ANKRD36C: variants seen among roughly 807,000 people sequenced by gnomAD.
The protein encoded by ANKRD36C is ankyrin repeat domain-containing protein 36C.
In ANKRD36C, 61 loss-of-function variants were observed where a neutral mutation model predicts 276.4. The ratio of observed to expected loss-of-function variants is 0.22; its 90% CI spans 0.18 to 0.27. ANKRD36C has a LOEUF of 0.27. ANKRD36C is among the 10% of genes least tolerant of loss of function. The pLI is 1.00. For missense variants in ANKRD36C, 1,447 were observed against 2,032.3 expected (o/e 0.71, Z 5.54); for synonymous variants, 483 against 680.1 (o/e 0.71, Z 4.51).
intron 5 of ANKRD36C, 116 bp from the exon 6 acceptor site, chr2:95,978,305 ACTTCT>A (rs1316584077): frequency 2.7e-6 from 1 of 365,148 alleles, no homozygotes; most frequent in East Asian, 6.5e-5. Flanking sequence ...TATCCTATAC[ACTTCT>A]CTTCTGTAAG....
chr2:95,872,701 C>A (rs1675843485), intron 59 of ANKRD36C, among the ~76,000 whole-genome samples: 1 of 151,890 alleles, frequency 6.6e-6, no homozygotes, highest in Non-Finnish European at 1.5e-5. Flanking sequence ...ACACAAAAAA[C>A]CCTTCAAAAA....
intron 8 of ANKRD36C, 45 bp downstream of exon 8, chr2:95,962,307 T>C: frequency 1.0e-5 from 16 of 1,538,504 alleles, no homozygotes; most frequent in Non-Finnish European, 1.4e-5. Context: ...AGCAGTTCCC[T>C]TCTATCCTGA....
At chr2:95,867,828 G>A (rs1675714328) in intron 59 of ANKRD36C, among the ~76,000 whole-genome samples, 1 of 148,956 alleles carries the variant, frequency 6.7e-6, no homozygotes, top group Non-Finnish European at 1.5e-5. Flanking sequence ...GTTAATTAAG[G>A]AACAAAGATT....
At chr2:95,974,465 C>T (rs1439010279) in intron 6 of ANKRD36C, among the ~76,000 whole-genome samples, 6 of 152,034 alleles carry the variant, frequency 3.9e-5, no homozygotes, top group Non-Finnish European at 8.8e-5. Flanking sequence ...ATAATATTTT[C>T]TTTAGGGATG....
At chr2:95,985,706 C>T (rs777390009) in intron 3 of ANKRD36C, among the ~76,000 whole-genome samples, 1 of 152,224 alleles carries the variant, frequency 6.6e-6, no homozygotes, top group South Asian at 2.1e-4. Context: ...TCATCTCTCA[C>T]TCACATGGCA....
intron 1 of ANKRD36C, among the ~76,000 whole-genome samples, chr2:95,989,468 C>T (rs1485034208): frequency 6.6e-6 from 1 of 151,886 alleles, no homozygotes; most frequent in African/African-American, 2.4e-5. Flanking sequence ...CATCTTCACA[C>T]CTCAACATAC....
At chr2:95,979,161 A>G (rs1175216911) in intron 5 of ANKRD36C, among the ~76,000 whole-genome samples, 1 of 152,078 alleles carries the variant, frequency 6.6e-6, no homozygotes, top group Non-Finnish European at 1.5e-5. Context: ...CAGTTTATAG[A>G]TCACCTTACA....
intron 20 of ANKRD36C, among the ~76,000 whole-genome samples, chr2:95,939,354 C>T (rs1255480486): frequency 6.6e-6 from 1 of 151,930 alleles, no homozygotes; most frequent in African/African-American, 2.4e-5. Context: ...AGAACCAAAG[C>T]GGACCCCAGA....
intron 42 of ANKRD36C, 35 bp from the exon 45 acceptor site, chr2:95,910,603 G>A (rs1381810360): frequency 1.9e-6 from 3 of 1,603,382 alleles, no homozygotes; most frequent in African/African-American, 1.3e-5. Context: ...TCACTCATAT[G>A]TAAATATGAC....
intron 5 of ANKRD36C, among the ~76,000 whole-genome samples, chr2:95,980,442 G>A (rs561954456): frequency 1.3e-5 from 2 of 152,222 alleles, no homozygotes; most frequent in East Asian, 3.9e-4. Flanking sequence ...CAAGAATCTT[G>A]CACCTACTGC....
intron 58 of ANKRD36C, 135 bp downstream of exon 78, chr2:95,880,292 T>C: frequency 9.3e-7 from 1 of 1,074,976 alleles, no homozygotes; most frequent in Admixed American, 3.0e-5. Context: ...ATAAAAATGA[T>C]AACAGCTGCA....
chr2:95,874,753 T>C (rs181100456), intron 59 of ANKRD36C, among the ~76,000 whole-genome samples: 134 of 152,128 alleles, frequency 8.8e-4, no homozygotes, highest in Non-Finnish European at 1.6e-3. Context: ...ACCTACAAAA[T>C]GGGAGAAAAT....
chr2:95,857,298 C>G lies in ANKRD36C; in HGVS notation c.4080+11G>C. 1.3e-6 allele frequency: 2 copies of G among 1,578,194 alleles called. No individual in the cohort carries two copies. The highest frequency in any genetic ancestry group is 1.7e-6 in the Non-Finnish European group (2 of 1,165,670). ...AGTAGAAATATGAAGTTTTACCAAA[C>G]ATTAATTTACCTGATTTGAATTATT... On this transcript the variant is annotated intron_variant, in intron 62 of 66. Coordinates refer to ENST00000456556, the Ensembl canonical transcript of ANKRD36C.
At chr2:95,865,813 T>C (rs1020282014) in intron 60 of ANKRD36C, among the ~76,000 whole-genome samples, 1 of 152,106 alleles carries the variant, frequency 6.6e-6, no homozygotes, top group South Asian at 2.1e-4. Context: ...TCAACCTGTA[T>C]AAAGAAAGTC....
intron 24 of ANKRD36C, among the ~76,000 whole-genome samples, chr2:95,932,109 G>T (rs1161500990): frequency 6.6e-6 from 1 of 152,280 alleles, no homozygotes; most frequent in African/African-American, 2.4e-5. Context: ...GATTTTCTCA[G>T]AGTCAGGACA....
At chr2:95,964,524 A>C (rs1388170124) in intron 6 of ANKRD36C, among the ~76,000 whole-genome samples, 1 of 152,056 alleles carries the variant, frequency 6.6e-6, no homozygotes, top group Non-Finnish European at 1.5e-5. Context: ...CATTTGTACA[A>C]TCCCATTCTG....
intron 58 of ANKRD36C, among the ~76,000 whole-genome samples, chr2:95,878,089 C>T (rs1675994842): frequency 6.8e-6 from 1 of 146,792 alleles, no homozygotes; most frequent in African/African-American, 2.5e-5. Context: ...GGGGCTGAGG[C>T]AGGAGAATCG....
chr2:95,910,316 A>G, intron 42 of ANKRD36C, 57 bp downstream of exon 46: 1 of 1,488,870 alleles, frequency 6.7e-7, no homozygotes, highest in Non-Finnish European at 9.0e-7. Context: ...TATTTGGAGA[A>G]GAGAACTTCT....
chr2:95,910,965 T>C (rs922756995), intron 42 of ANKRD36C, among the ~76,000 whole-genome samples: 3 of 151,424 alleles, frequency 2.0e-5, no homozygotes, highest in African/African-American at 7.3e-5. Flanking sequence ...CAAAAGGATT[T>C]ACACCATTAT....
Sources: allele counts gnomAD v4.1 joint callset (sites outside exome capture counted in the v4.1 genomes callset), GRCh38; gene constraint gnomAD v4.1.1; transcripts MANE v1.5; gene names NCBI Gene and HGNC (gene_info 2026-07-23, HGNC 2026-07-21).